The following PXN variants were observed in gnomAD, a reference collection of about 807,000 sequenced individuals.
The protein encoded by PXN is testicular tissue protein Li 134.
In PXN, 61 loss-of-function variants were observed where a neutral mutation model predicts 103.6. The observed-to-expected ratio is 0.59, with a 90% confidence interval of 0.48 to 0.73. The LOEUF is 0.73. Among genes scored for constraint, PXN ranks in the 30% least tolerant of loss-of-function variants. The probability of loss-of-function intolerance (pLI) is 0.00; values close to 1 mark genes in which losing one functional copy is unlikely to be tolerated. For missense variants in PXN, 1,274 were observed against 1,460.3 expected (o/e 0.87, Z 2.08); for synonymous variants, 562 against 607.8 (o/e 0.92, Z 1.11).
chr12:120,212,723 A>C lies in PXN; in HGVS notation c.2980-143T>G. ...TTTCCCATGTGCCGTGTTGTCCTAA[A>C]CGCTCATTTTTCATTTTTATTTTAT... On this transcript the variant is annotated intron_variant, in intron 14 of 14. Transcript: ENST00000637617. This position sits in a 1 kb window ranked among gnomAD's most constrained non-coding sequence, Gnocchi z 7.2. The C allele has an allele frequency of 1.1e-6, 1 of 887,128 alleles. No homozygotes were observed. The highest frequency in any genetic ancestry group is 2.2e-5 in the South Asian group (1 of 45,642). The allele number at this position is 887,128 out of a possible 1,614,324, so 55.0% of individuals were successfully genotyped here.
At chr12:120,263,493 G>A (rs1047992569) in intron 1 of PXN, among the ~76,000 whole-genome samples, 2 of 152,134 alleles carry the variant, frequency 1.3e-5, no homozygotes, top group Admixed American at 6.5e-5. Flanking sequence ...AAGTCTTCTC[G>A]GTATACAAGA....
chr12:120,237,345 G>A (rs2136467244), intron 1 of PXN, among the ~76,000 whole-genome samples: 2 of 152,186 alleles, frequency 1.3e-5, no homozygotes, highest in South Asian at 4.1e-4. Flanking sequence ...TTTTAGTAGA[G>A]ATAGGGTTTC....
intron 1 of PXN, among the ~76,000 whole-genome samples, chr12:120,242,247 A>C (rs1890282045): frequency 6.6e-6 from 1 of 152,114 alleles, no homozygotes; most frequent in Non-Finnish European, 1.5e-5. Flanking sequence ...TGGCTTTGGG[A>C]GAACCTCAGG....
At position 120,217,210 on chromosome 12, in the gene PXN, C is replaced by A; in HGVS notation, c.1717-94G>T. 1 of 1,060,080 alleles carries A rather than the reference C, an allele frequency of 9.4e-7. No individual in the cohort carries two copies. The highest frequency in any genetic ancestry group is 1.4e-6 in the Non-Finnish European group (1 of 732,332). 65.7% of individuals were successfully genotyped at this position (1,060,080 alleles called of 1,614,324 possible). A position where few individuals can be genotyped will look rare whatever the true frequency, so the allele number is the denominator to read the frequency against. On this transcript the variant is annotated intron_variant, in intron 7 of 14. Transcript: ENST00000637617. The surrounding 1 kb of genome is among the most constrained non-coding windows in gnomAD (Gnocchi z 4.1). Reference sequence around the variant, plus strand: ...CTCAGATGCCTCAGGAGAGGGAGCACAAAAGAAAACCACCAAAGAACCAAG... The same window carrying A: ...CTCAGATGCCTCAGGAGAGGGAGCAAAAAAGAAAACCACCAAAGAACCAAG...
chr12:120,210,599 T>C lies in PXN; in HGVS notation c.*1715A>G, dbSNP rs1330400781. 1 of 152,252 alleles carries C rather than the reference T, an allele frequency of 6.6e-6. No individual in the cohort carries two copies. The highest frequency in any genetic ancestry group is 1.5e-5 in the Non-Finnish European group (1 of 68,036). 9.4% of individuals were successfully genotyped at this position (152,252 alleles called of 1,614,324 possible). ...GGACCCCAGAAACCCCAGTCCCTCT[T>C]GGGGAAGATCTAGGGTGGGTCACTA... On this transcript the variant is annotated 3_prime_UTR_variant, in exon 15 of 15. Coordinates refer to ENST00000637617, the MANE Select transcript of PXN (RefSeq NM_001385981.1).
intron 1 of PXN, among the ~76,000 whole-genome samples, chr12:120,240,932 G>A (rs1159028441): frequency 1.3e-5 from 2 of 152,136 alleles, no homozygotes; most frequent in East Asian, 3.8e-4. Flanking sequence ...CCCTAACCCT[G>A]GAGCAAAAGT....
chr12:120,222,411 A>G lies in PXN; in HGVS notation c.695+138T>C, dbSNP rs1008570493. 12 of 997,034 alleles carry G rather than the reference A, an allele frequency of 1.2e-5. No individual in the cohort carries two copies. Among genetic ancestry groups the G allele is most frequent in the Non-Finnish European group, 1.7e-5 (12 of 694,664 alleles). The allele number at this position is 997,034 out of a possible 1,614,324, so 61.8% of individuals were successfully genotyped here. On this transcript the variant is annotated intron_variant, in intron 5 of 14. Coordinates refer to ENST00000637617, the MANE Select transcript of PXN (RefSeq NM_001385981.1). This position sits in a 1 kb window ranked among gnomAD's most constrained non-coding sequence, Gnocchi z 4.7. ...GGCAGGGATGGTGTCCATGTGACTC[A>G]CCACTATCCCCCCAGTGCCTGGCAA...
chr12:120,238,168 C>T (rs933889429), intron 1 of PXN, among the ~76,000 whole-genome samples: 1 of 152,126 alleles, frequency 6.6e-6, no homozygotes, highest in African/African-American at 2.4e-5. Context: ...TTTCCTGAAA[C>T]AAAAAGCACC....
chr12:120,260,443 T>C (rs2136712019), intron 1 of PXN, among the ~76,000 whole-genome samples: 1 of 144,718 alleles, frequency 6.9e-6, no homozygotes, highest in South Asian at 2.2e-4. Flanking sequence ...GTGGAGGTTG[T>C]GGTGAGCCGA....
At chr12:120,254,719 T>C (rs1892735705) in intron 1 of PXN, among the ~76,000 whole-genome samples, 1 of 152,086 alleles carries the variant, frequency 6.6e-6, no homozygotes, top group African/African-American at 2.4e-5. Flanking sequence ...CCCAGCTAAT[T>C]TTTGTAATTT....
rs576743696 is a variant in PXN at position 120,221,996 on chromosome 12, C to T, written c.696-238G>A. ...CCCAGCCCAAGTGAAAGCTGGCCTG[C>T]GAAACAAGCCCAAGCGCCCTGTGTT... On this transcript the variant is annotated intron_variant, in intron 5 of 14. Coordinates refer to ENST00000637617, the MANE Select transcript of PXN (RefSeq NM_001385981.1). This position sits in a 1 kb window ranked among gnomAD's most constrained non-coding sequence, Gnocchi z 6.6. 2.0e-5 allele frequency among the ~76,000 whole-genome samples: 3 copies of T among 152,274 alleles called. No individual in the cohort carries two copies. The highest frequency in any genetic ancestry group is 4.8e-5 in the African/African-American group (2 of 41,558).
In PXN at chr12:120,224,736, C is replaced by T; in HGVS notation, c.14-359G>A. 1.9e-6 allele frequency: 1 copy of T among 520,718 alleles called. No individual in the cohort carries two copies. The highest frequency in any genetic ancestry group is 1.5e-5 in the South Asian group (1 of 65,116). The allele number at this position is 520,718 out of a possible 1,614,324, so 32.3% of individuals were successfully genotyped here. A position where few individuals can be genotyped will look rare whatever the true frequency, so the allele number is the denominator to read the frequency against. On this transcript the variant is annotated intron_variant, in intron 1 of 14. Coordinates refer to ENST00000637617, the MANE Select transcript of PXN (RefSeq NM_001385981.1). This position sits in a 1 kb window ranked among gnomAD's most constrained non-coding sequence, Gnocchi z 5.0. ...TGTCTGGAACTCTGAATCTGCAGGGCAACGCGGAGAGAATGGGCGGGAGGG... is the reference window on the plus strand; with the variant it reads ...TGTCTGGAACTCTGAATCTGCAGGGTAACGCGGAGAGAATGGGCGGGAGGG...
rs934821818 is a variant in PXN, at chr12:120,228,837, C to T, written c.14-4460G>A. On this transcript the variant is annotated intron_variant, in intron 1 of 14. Transcript: ENST00000637617. This position sits in a 1 kb window ranked among gnomAD's most constrained non-coding sequence, Gnocchi z 4.7. Reference sequence around the variant, plus strand: ...TCTGCACCCCATGGCTGCACCTGGTCGGAGCAACAGCATGGAACAGCTGCA... The same window carrying T: ...TCTGCACCCCATGGCTGCACCTGGTTGGAGCAACAGCATGGAACAGCTGCA... Among the ~76,000 whole-genome samples the T allele has an allele frequency of 2.0e-5, 3 of 152,210 alleles. No homozygotes were observed. The highest frequency in any genetic ancestry group is 6.5e-5 in the Admixed American group (1 of 15,282).
In PXN at chr12:120,212,560, C is replaced by G. The variant is rs774663251; in HGVS notation, c.3000G>C (p.Val1000=). The G allele has an allele frequency of 6.2e-7, 1 of 1,613,118 alleles. No homozygotes were observed. The highest frequency in any genetic ancestry group is 1.1e-5 in the South Asian group (1 of 91,050). The change falls in exon 15 of 15, where the codon GTG becomes GTC. Residue 1000 remains valine (V), a synonymous_variant. Transcript: ENST00000637617. This position sits in a 1 kb window ranked among gnomAD's most constrained non-coding sequence, Gnocchi z 7.2. ...CGTCGTGCTCGAAGAAGCTGCCGTT[C>G]ACGAATGGCGTGAAGCATTCCTGCC... ...FVCRECFTPF[V]NGSFFEHDGQ...
intron 1 of PXN, among the ~76,000 whole-genome samples, chr12:120,233,264 A>C (rs1475813811): frequency 6.6e-6 from 1 of 152,124 alleles, no homozygotes; most frequent in Non-Finnish European, 1.5e-5. Flanking sequence ...TGTGGGCAAG[A>C]ACATCCTCCT....
intron 1 of PXN, among the ~76,000 whole-genome samples, chr12:120,258,653 G>A (rs373733780): frequency 2.2e-4 from 33 of 152,280 alleles, no homozygotes; most frequent in Non-Finnish European, 3.7e-4. Flanking sequence ...TGAGAGGCCC[G>A]GGTACTCTCA....
chr12:120,232,589 G>T (rs540085861), intron 1 of PXN, among the ~76,000 whole-genome samples: 2 of 152,246 alleles, frequency 1.3e-5, no homozygotes, highest in South Asian at 4.2e-4. Context: ...GGCTGGAAAG[G>T]TTCTCAGCTG....
rs371009984 is a variant in PXN at position 120,214,867 on chromosome 12, G to A, written c.2706C>T (p.Leu902=). ...QPYCEKDYHN[L]FSPRCYYCNG... ...TGCAGTAGTAGCAGCGCGGGGAGAA[G>A]AGGTTGTGGTAGTCCTTTTCACAGT... Residue 902 remains leucine (L), a synonymous_variant, in exon 12 of 15, where the codon CTC becomes CTT. Coordinates refer to ENST00000637617, the MANE Select transcript of PXN (RefSeq NM_001385981.1). This position sits in a 1 kb window ranked among gnomAD's most constrained non-coding sequence, Gnocchi z 5.0. The A allele has an allele frequency of 1.5e-5, 24 of 1,613,884 alleles. 1 individual carries two copies. The highest frequency in any genetic ancestry group is 1.3e-4 in the African/African-American group (10 of 74,918).
In PXN at chr12:120,224,583, C is replaced by A. The variant is rs1366986857; in HGVS notation, c.14-206G>T. On this transcript the variant is annotated intron_variant, in intron 1 of 14. Transcript: ENST00000637617. This position sits in a 1 kb window ranked among gnomAD's most constrained non-coding sequence, Gnocchi z 5.0. ...GCTCCCAAAGCTAACTTCTTCTGGC[C>A]ACCCAGGACTGAAAGTGCTCTAGAG... 3.0e-5 allele frequency: 21 copies of A among 698,286 alleles called. No homozygotes were observed. The highest frequency in any genetic ancestry group is 2.9e-5 in the Non-Finnish European group (11 of 382,260). The allele number at this position is 698,286 out of a possible 1,614,324, so 43.3% of individuals were successfully genotyped here. A position where few individuals can be genotyped will look rare whatever the true frequency, so the allele number is the denominator to read the frequency against.
Sources: gnomAD v4.1 joint callset for allele counts (sites outside exome capture counted in the v4.1 genomes callset) on GRCh38, gnomAD v4.1.1 for gene constraint, Gnocchi (gnomAD v3.1) non-coding constraint, MANE v1.5 for transcripts, NCBI Gene and HGNC (gene_info 2026-07-23, HGNC 2026-07-21) for gene names.